Variants in DIP2C observed in about 807,000 individuals in gnomAD.
DIP2C encodes DIP2 acetate--CoA ligase C (putative), also known as disco-interacting protein 2 homolog C.
DIP2C carries 33 observed loss-of-function variants against 192.4 expected under a neutral mutation model. The ratio of observed to expected loss-of-function variants is 0.17; its 90% CI spans 0.13 to 0.23. DIP2C has a LOEUF of 0.23. DIP2C is among the 10% of genes least tolerant of loss of function. The probability of loss-of-function intolerance (pLI) is 1.00; values close to 1 mark genes in which losing one functional copy is unlikely to be tolerated. For synonymous variants in DIP2C, 979 were observed against 864.1 expected (o/e 1.13, Z -2.33); for missense variants, 1,537 against 2,110.1 (o/e 0.73, Z 5.32).
At chr10:284,720 CAG>C (rs770634517) in intron 34 of DIP2C, among the ~76,000 whole-genome samples, 1 of 152,142 alleles carries the variant, frequency 6.6e-6, no homozygotes, top group Non-Finnish European at 1.5e-5. Flanking sequence ...AATTTGATAA[CAG>C]AATAGATCCT....
chr10:391,759 A>G (rs540756334), intron 10 of DIP2C, among the ~76,000 whole-genome samples: 1 of 152,202 alleles, frequency 6.6e-6, no homozygotes, highest in Non-Finnish European at 1.5e-5. Context: ...GAACCCCTCA[A>G]TTATGGACCC....
intron 1 of DIP2C, among the ~76,000 whole-genome samples, chr10:538,955 T>C (rs1174409302): frequency 6.7e-6 from 1 of 148,796 alleles, no homozygotes; most frequent in African/African-American, 2.6e-5. Context: ...TCTGTTCATG[T>C]CATTCCGTGT....
chr10:579,499 CTA>C (rs935108990), intron 1 of DIP2C, among the ~76,000 whole-genome samples: 9 of 151,172 alleles, frequency 6.0e-5, no homozygotes, highest in Non-Finnish European at 1.0e-4. Flanking sequence ...CATAAGTGCA[CTA>C]TGTGTGTACA....
At chr10:603,506 T>C (rs1452918722) in intron 1 of DIP2C, among the ~76,000 whole-genome samples, 1 of 151,958 alleles carries the variant, frequency 6.6e-6, no homozygotes, top group East Asian at 1.9e-4. Context: ...TCTGAACAAG[T>C]ATATCAGGTA....
chr10:560,493 G>A (rs772784902), intron 1 of DIP2C, among the ~76,000 whole-genome samples: 3 of 152,134 alleles, frequency 2.0e-5, no homozygotes, highest in Non-Finnish European at 2.9e-5. Context: ...TGAAACTCGC[G>A]GCAGTGAACA....
chr10:594,852 C>T (rs919960488), intron 1 of DIP2C, among the ~76,000 whole-genome samples: 2 of 152,192 alleles, frequency 1.3e-5, no homozygotes, highest in Admixed American at 6.5e-5. Flanking sequence ...GTGGACACTG[C>T]AGGAAATGAT....
intron 1 of DIP2C, among the ~76,000 whole-genome samples, chr10:649,283 T>G (rs530132022): frequency 7.4e-6 from 1 of 135,776 alleles, no homozygotes; most frequent in Non-Finnish European, 1.6e-5. Flanking sequence ...CGTCAACATT[T>G]GAGGGTGGGA....
chr10:369,794 C>A, intron 17 of DIP2C, 161 bp from the exon 18 acceptor site: 1 of 1,366,168 alleles, frequency 7.3e-7, no homozygotes, highest in Non-Finnish European at 1.0e-6. Context: ...AGGGGATGCT[C>A]GTTCTGTTTA....
intron 12 of DIP2C, 25 bp downstream of exon 12, chr10:390,239 G>A: frequency 6.2e-7 from 1 of 1,606,310 alleles, no homozygotes; most frequent in Non-Finnish European, 8.5e-7. Flanking sequence ...CTCAGGGCCA[G>A]TGGAGGAGGC....
At chr10:674,797 G>T (rs376136632) in intron 1 of DIP2C, among the ~76,000 whole-genome samples, 3,595 of 45,278 alleles carry the variant, frequency 0.079, 80 homozygotes, top group Non-Finnish European at 0.11. Context: ...TATAGAGAGA[G>T]AGAGAGAGAG....
At chr10:667,948 C>G (rs1248635355) in intron 1 of DIP2C, 1 of 151,960 alleles carries the variant, frequency 6.6e-6, no homozygotes, top group Non-Finnish European at 1.5e-5. Flanking sequence ...ATACACGTAC[C>G]ACACACAACA....
chr10:504,710 C>T (rs1044285548), intron 1 of DIP2C, among the ~76,000 whole-genome samples: 8 of 152,250 alleles, frequency 5.3e-5, no homozygotes, highest in African/African-American at 1.7e-4. Flanking sequence ...AAATTTAGTA[C>T]ATCTTACTGT....
intron 1 of DIP2C, among the ~76,000 whole-genome samples, chr10:600,603 A>G (rs1172779536): frequency 1.3e-5 from 2 of 149,266 alleles, no homozygotes; most frequent in African/African-American, 5.0e-5. Context: ...TCTCCACCTT[A>G]AAGAGGGTTT....
chr10:453,600 C>T (rs888664083), intron 3 of DIP2C, among the ~76,000 whole-genome samples: 11 of 152,142 alleles, frequency 7.2e-5, no homozygotes, highest in African/African-American at 1.7e-4. Context: ...TAGGAAGTGA[C>T]GGCTTAAAAT....
chr10:337,819 C>A (rs116138876), intron 29 of DIP2C, among the ~76,000 whole-genome samples: 2 of 10,072 alleles, frequency 2.0e-4, no homozygotes, highest in East Asian at 4.2e-3. Flanking sequence ...TGGAGGCCTA[C>A]GCAGCTGTGT....
intron 3 of DIP2C, among the ~76,000 whole-genome samples, chr10:453,822 G>A (rs959415365): frequency 2.0e-5 from 3 of 152,222 alleles, no homozygotes; most frequent in Admixed American, 1.3e-4. Context: ...AGGCAGGGAG[G>A]GATATTGCTG....
At chr10:688,276 T>A (rs1010105878) in intron 1 of DIP2C, among the ~76,000 whole-genome samples, 2 of 152,134 alleles carry the variant, frequency 1.3e-5, no homozygotes, top group Non-Finnish European at 2.9e-5. Context: ...TACAGGACAC[T>A]GACACACCTC....
intron 26 of DIP2C, among the ~76,000 whole-genome samples, chr10:348,155 G>C (rs1186060681): frequency 6.6e-6 from 1 of 152,226 alleles, no homozygotes; most frequent in Non-Finnish European, 1.5e-5. Context: ...TGCATTCTCT[G>C]CCCACACTGT....
chr10:478,012 G>A (rs111068199), intron 2 of DIP2C, among the ~76,000 whole-genome samples: 1,067 of 1,286 alleles, frequency 0.83, 484 homozygotes, highest in Middle Eastern at 1. Context: ...GAAAAAAGAG[G>A]GGAGGGGAGG....
Sources: gnomAD v4.1 joint callset for allele counts (sites outside exome capture counted in the v4.1 genomes callset) on GRCh38, gnomAD v4.1.1 for gene constraint, MANE v1.5 for transcripts, NCBI Gene and HGNC (gene_info 2026-07-23, HGNC 2026-07-21) for gene names.